Variants in EDIL3 observed in about 807,000 individuals in gnomAD.
EDIL3 encodes the protein EGF-like repeat and discoidin I-like domain-containing protein 3.
Under a neutral mutation model 67.4 loss-of-function variants are expected in EDIL3, and 37 were observed. The observed-to-expected ratio is 0.55, with a 90% confidence interval of 0.42 to 0.72. The LOEUF is 0.72. EDIL3 is among the 30% of genes least tolerant of loss of function. The pLI, the probability that EDIL3 is intolerant of heterozygous loss-of-function variation, is 0.00. For missense variants in EDIL3, 527 were observed against 586.3 expected (o/e 0.90, Z 1.04); for synonymous variants, 195 against 196.3 (o/e 0.99, Z 0.05).
chr5:84,376,364 G>T (rs1472973550), intron 1 of EDIL3, among the ~76,000 whole-genome samples: 2 of 152,116 alleles, frequency 1.3e-5, no homozygotes, highest in Non-Finnish European at 2.9e-5. Flanking sequence ...ACAAAATGAT[G>T]CCTGAAAAAT....
At chr5:83,972,508 C>T (rs1744811301) in intron 9 of EDIL3, among the ~76,000 whole-genome samples, 1 of 152,006 alleles carries the variant, frequency 6.6e-6, no homozygotes, top group South Asian at 2.1e-4. Flanking sequence ...AGTCATGACT[C>T]ATAAGTGGAA....
intron 4 of EDIL3, among the ~76,000 whole-genome samples, chr5:84,157,637 T>C (rs988187429): frequency 9.9e-5 from 15 of 152,056 alleles, no homozygotes; most frequent in African/African-American, 3.4e-4. Flanking sequence ...ACCATTTCCA[T>C]TTGCCCACAT....
chr5:84,066,433 A>T lies in EDIL3; in HGVS notation c.807+18T>A. 1 of 1,570,850 alleles carries T rather than the reference A, an allele frequency of 6.4e-7. No homozygotes were observed. Among genetic ancestry groups the T allele is most frequent in the Non-Finnish European group, 8.6e-7 (1 of 1,164,570 alleles). On this transcript the variant is annotated intron_variant, in intron 7 of 10. Transcript: ENST00000296591. ...ATGACATTTTTCTTTTAAATTAAGT[A>T]GGTTAAATTATTCTTACCATGTCTT...
chr5:84,112,393 G>C (rs1747579986), intron 5 of EDIL3, among the ~76,000 whole-genome samples: 2 of 152,106 alleles, frequency 1.3e-5, no homozygotes, highest in South Asian at 4.1e-4. Flanking sequence ...GGTAGAGGAG[G>C]GAAATGGAGT....
chr5:84,218,779 A>G (rs908302717), intron 3 of EDIL3, among the ~76,000 whole-genome samples: 3 of 152,148 alleles, frequency 2.0e-5, no homozygotes, highest in East Asian at 1.9e-4. Context: ...GCCAGGCAGT[A>G]CTCACTGTGA....
Position 84,277,027 on chromosome 5 carries a change from T to C in EDIL3, c.68-22815A>G, listed in dbSNP as rs984709678. Among the ~76,000 whole-genome samples the C allele has an allele frequency of 2.6e-5, 4 of 152,204 alleles. No individual in the cohort carries two copies. In the East Asian group the frequency reaches 7.7e-4, roughly 29 times the overall value. On this transcript the variant is annotated intron_variant, in intron 1 of 10. Coordinates refer to ENST00000296591, the MANE Select transcript of EDIL3 (RefSeq NM_005711.5). ...TAATCACTACATTGTTATTCTGTAA[T>C]CTTAGCCCCTTAACACCAGTAGTCT...
chr5:83,946,175 GAA>G (rs1005685476), intron 10 of EDIL3, among the ~76,000 whole-genome samples: 10 of 151,984 alleles, frequency 6.6e-5, no homozygotes, highest in African/African-American at 2.2e-4. Context: ...ACTGAAGTCT[GAA>G]AAGACTGATA....
chr5:83,977,402 A>AT (rs1410214994), intron 9 of EDIL3, among the ~76,000 whole-genome samples: 36 of 151,774 alleles, frequency 2.4e-4, no homozygotes, highest in Non-Finnish European at 4.7e-4. Flanking sequence ...TTCTCAATCA[A>AT]TTTTTTTTCT....
At chr5:83,967,625 T>G (rs973683040) in intron 9 of EDIL3, among the ~76,000 whole-genome samples, 1 of 152,150 alleles carries the variant, frequency 6.6e-6, no homozygotes, top group African/African-American at 2.4e-5. Flanking sequence ...TTTTAGAGTG[T>G]GTCTAACTTA....
At chr5:84,302,464 T>A (rs967193060) in intron 1 of EDIL3, among the ~76,000 whole-genome samples, 2 of 152,076 alleles carry the variant, frequency 1.3e-5, no homozygotes, top group Admixed American at 6.5e-5. Context: ...ACCCAGCTAA[T>A]TTTTTGTATT....
intron 1 of EDIL3, among the ~76,000 whole-genome samples, chr5:84,311,307 A>ATTTT (rs1746382472): frequency 9.7e-6 from 1 of 102,736 alleles, no homozygotes; most frequent in Non-Finnish European, 2.1e-5. Flanking sequence ...TATTCAATGT[A>ATTTT]TTTTCTTTTT....
At chr5:84,245,344 C>T (rs1388535006) in intron 2 of EDIL3, among the ~76,000 whole-genome samples, 2 of 152,076 alleles carry the variant, frequency 1.3e-5, no homozygotes, top group Non-Finnish European at 2.9e-5. Context: ...AATCAAATAA[C>T]TCCAAATCTA....
intron 5 of EDIL3, among the ~76,000 whole-genome samples, chr5:84,124,374 A>C (rs1036336161): frequency 2.0e-5 from 3 of 151,944 alleles, no homozygotes; most frequent in African/African-American, 7.2e-5. Flanking sequence ...TGAATAATTA[A>C]TTTTGTGGTT....
intron 1 of EDIL3, among the ~76,000 whole-genome samples, chr5:84,377,960 A>C (rs1372161745): frequency 6.6e-6 from 1 of 152,246 alleles, no homozygotes; most frequent in Non-Finnish European, 1.5e-5. Context: ...CTATCACTAT[A>C]ATAATGCATA....
At chr5:84,197,414 T>C (rs1162806170) in intron 3 of EDIL3, among the ~76,000 whole-genome samples, 3 of 151,764 alleles carry the variant, frequency 2.0e-5, no homozygotes, top group Non-Finnish European at 4.4e-5. Flanking sequence ...AAGAGGGAAA[T>C]AACATGTATG....
intron 10 of EDIL3, 85 bp downstream of exon 10, chr5:83,963,120 G>C (rs966911006): frequency 2.1e-6 from 3 of 1,431,626 alleles, no homozygotes; most frequent in Non-Finnish European, 2.8e-6. Flanking sequence ...TTTCAGTACA[G>C]ATGTATAAGC....
At chr5:84,109,773 G>C (rs1009367734) in intron 5 of EDIL3, among the ~76,000 whole-genome samples, 7 of 152,016 alleles carry the variant, frequency 4.6e-5, no homozygotes, top group African/African-American at 1.7e-4. Context: ...AGTCAAAAAA[G>C]GCCACCAAAG....
intron 4 of EDIL3, among the ~76,000 whole-genome samples, chr5:84,149,101 G>A (rs1748341386): frequency 6.6e-6 from 1 of 152,158 alleles, no homozygotes; most frequent in East Asian, 1.9e-4. Flanking sequence ...GGCAGAGCCT[G>A]GTGAACTCTA....
chr5:84,191,902 GACAA>G lies in EDIL3; in HGVS notation c.227-11385_227-11382del, dbSNP rs776499018. 3.0e-4 allele frequency among the ~76,000 whole-genome samples: 46 copies of G among 151,962 alleles called. 1 individual carries two copies. The highest frequency in any genetic ancestry group is 2.0e-3 in the Admixed American group (31 of 15,240). On this transcript the variant is annotated intron_variant, in intron 3 of 10. Transcript: ENST00000296591. ...CATTATGTGTATATCAATTTACATA[GACAA>G]ACTAAATAAGAATTTTAAAACTAAG...
Sources: allele counts gnomAD v4.1 joint callset (sites outside exome capture counted in the v4.1 genomes callset), GRCh38; gene constraint gnomAD v4.1.1; transcripts MANE v1.5; gene names NCBI Gene and HGNC (gene_info 2026-07-23, HGNC 2026-07-21).